Variants in NPNT observed in about 807,000 individuals in gnomAD.
NPNT encodes preosteoblast EGF-like repeat protein with MAM domain.
Under a neutral mutation model 68.6 loss-of-function variants are expected in NPNT, and 45 were observed. That is an observed-to-expected ratio of 0.66 (90% CI 0.52 to 0.84). The LOEUF (loss-of-function observed/expected upper bound fraction) is 0.84, where lower values mean the gene tolerates loss of function less well. NPNT is among the 40% of genes least tolerant of loss of function. The pLI is 0.00. For synonymous variants in NPNT, 233 were observed against 253.3 expected (o/e 0.92, Z 0.76); for missense variants, 672 against 714.8 (o/e 0.94, Z 0.68).
At chr4:105,926,443 T>C (rs1417107535) in intron 2 of NPNT, among the ~76,000 whole-genome samples, 1 of 152,014 alleles carries the variant, frequency 6.6e-6, no homozygotes, top group Non-Finnish European at 1.5e-5. Context: ...TGTCTGAACA[T>C]TTTAGGATGT....
At chr4:105,917,401 G>T (rs1397521586) in intron 2 of NPNT, among the ~76,000 whole-genome samples, 1 of 152,152 alleles carries the variant, frequency 6.6e-6, no homozygotes. Context: ...TCCCTGCAGA[G>T]AAATGCCTTC....
chr4:105,959,638 G>A (rs545187648), intron 10 of NPNT, among the ~76,000 whole-genome samples: 1 of 150,996 alleles, frequency 6.6e-6, no homozygotes, highest in Non-Finnish European at 1.5e-5. Context: ...TGAAGGAAAT[G>A]GTTACGAATC....
At chr4:105,962,944 G>A (rs978315131) in intron 10 of NPNT, among the ~76,000 whole-genome samples, 2 of 151,954 alleles carry the variant, frequency 1.3e-5, no homozygotes, top group African/African-American at 4.8e-5. Flanking sequence ...TAAAAAATCG[G>A]CTAGACACAG....
At chr4:105,901,396 A>G (rs1026800122) in intron 2 of NPNT, among the ~76,000 whole-genome samples, 2 of 152,230 alleles carry the variant, frequency 1.3e-5, no homozygotes, top group African/African-American at 4.8e-5. Context: ...GAAAAACTAT[A>G]TAGGATCTAA....
At chr4:105,912,421 T>C (rs1177048483) in intron 2 of NPNT, 1 of 499,214 alleles carries the variant, frequency 2.0e-6, no homozygotes, top group Non-Finnish European at 3.4e-6. Context: ...AAGTTAATTT[T>C]AATTCCATTA....
chr4:105,968,864 G>A (rs1235553689), intron 11 of NPNT, 31 bp from the exon 12 acceptor site: 3 of 1,332,298 alleles, frequency 2.3e-6, no homozygotes, highest in Non-Finnish European at 3.2e-6. Flanking sequence ...GGGCAGAGGA[G>A]GCTTGACTGG....
intron 1 of NPNT, among the ~76,000 whole-genome samples, chr4:105,896,883 A>G (rs1056480146): frequency 1.3e-5 from 2 of 152,212 alleles, no homozygotes; most frequent in African/African-American, 4.8e-5. Context: ...ATTGAAAAAG[A>G]TAAGGAGACT....
chr4:105,971,028 C>T lies in NPNT; in HGVS notation c.*2038C>T, dbSNP rs920757184. 19 of 359,878 alleles carry T rather than the reference C, an allele frequency of 5.3e-5. No homozygotes were observed. The highest frequency in any genetic ancestry group is 8.5e-5 in the Non-Finnish European group (15 of 176,246). 22.3% of individuals were successfully genotyped at this position (359,878 alleles called of 1,614,324 possible). ...GTATCTCAGTAATGTCCTAGTGTGG[C>T]GGTGGTTTTCAATGTTTCTTCATGT... On this transcript the variant is annotated 3_prime_UTR_variant, in exon 12 of 12. Coordinates refer to ENST00000379987, the MANE Select transcript of NPNT (RefSeq NM_001033047.3).
intron 2 of NPNT, among the ~76,000 whole-genome samples, chr4:105,921,779 A>G (rs1329188850): frequency 6.6e-6 from 1 of 152,150 alleles, no homozygotes; most frequent in East Asian, 1.9e-4. Flanking sequence ...TATTGCCTTC[A>G]GTGACTTTCC....
intron 4 of NPNT, 69 bp from the exon 5 acceptor site, chr4:105,938,232 A>C: frequency 6.6e-7 from 1 of 1,526,258 alleles, no homozygotes; most frequent in Non-Finnish European, 8.9e-7. Flanking sequence ...ACAAGTGAAA[A>C]AACATAGCTA....
intron 8 of NPNT, among the ~76,000 whole-genome samples, chr4:105,946,476 G>A (rs1477934032): frequency 1.3e-5 from 2 of 152,078 alleles, no homozygotes; most frequent in African/African-American, 2.4e-5. Flanking sequence ...TTTAACATAG[G>A]TTCTTTCTAT....
chr4:105,951,521 T>G (rs1215303304), intron 8 of NPNT, among the ~76,000 whole-genome samples: 2 of 152,194 alleles, frequency 1.3e-5, no homozygotes, highest in Non-Finnish European at 2.9e-5. Context: ...TAGTGATAAG[T>G]AAAAAGATTG....
Position 105,940,134 on chromosome 4 carries a change from A to C in NPNT, c.565A>C (p.Thr189Pro). Reference protein sequence around the residue: ...SCPRFRQCVNTFGSYICKCHK... With the variant: ...SCPRFRQCVNPFGSYICKCHK... The stretch of plus-strand genomic sequence containing the variant: ...CCCTAGATTTAGGCAATGTGTCAAC[A>C]CTTTTGGGAGCTACATCTGCAAGTG... The change falls in exon 6 of 12, where the codon ACT (threonine) becomes CCT (proline). Residue 189 changes from threonine (T) to proline (P), a missense_variant. By Grantham distance (38) the Thr-to-Pro change is conservative. Transcript: ENST00000379987. 1 of 1,612,782 alleles carries C rather than the reference A, an allele frequency of 6.2e-7. No homozygotes were observed. Among genetic ancestry groups the C allele is most frequent in the Non-Finnish European group, 8.5e-7 (1 of 1,178,864 alleles).
intron 11 of NPNT, among the ~76,000 whole-genome samples, chr4:105,968,607 A>G (rs1273075839): frequency 6.6e-6 from 1 of 152,238 alleles, no homozygotes; most frequent in Non-Finnish European, 1.5e-5. Context: ...AATCCTTGAC[A>G]AAAGTGTGCA....
At position 105,942,524 on chromosome 4, in the gene NPNT, T is replaced by TCCA. The variant is rs368167746; in HGVS notation, c.996_998dup (p.Pro333dup). On this transcript the variant is annotated inframe_insertion, in exon 8 of 12. Transcript: ENST00000379987. ...CACCAAAGCCAACACCAATTCCTAC[T>TCCA]CCACCACCACCACCACCCCTGCCAA... The TCCA allele has an allele frequency of 1.3e-5, 21 of 1,613,176 alleles. No individual in the cohort carries two copies. In the East Asian group the frequency reaches 1.6e-4, roughly 12 times the overall value.
chr4:105,896,137 G>C (rs1371079237), intron 1 of NPNT, among the ~76,000 whole-genome samples: 2 of 152,152 alleles, frequency 1.3e-5, no homozygotes, highest in Non-Finnish European at 2.9e-5. Context: ...CAGGCCCCCG[G>C]GGGGAGGCCC....
chr4:105,971,422 A>T lies in NPNT; in HGVS notation c.*2432A>T, dbSNP rs1173172103. 4.5e-6 allele frequency: 1 copy of T among 223,800 alleles called. No individual in the cohort carries two copies. The highest frequency in any genetic ancestry group is 9.3e-5 in the East Asian group (1 of 10,768). The allele number at this position is 223,800 out of a possible 1,614,324, so 13.9% of individuals were successfully genotyped here. A position where few individuals can be genotyped will look rare whatever the true frequency, so the allele number is the denominator to read the frequency against. ...GTAACGGCAGAATATATGGCTGTAG[A>T]TCCATTTTTAATGGTTCATTTCCTT... On this transcript the variant is annotated 3_prime_UTR_variant, in exon 12 of 12. Transcript: ENST00000379987.
chr4:105,949,100 T>C (rs1466658712), intron 8 of NPNT, among the ~76,000 whole-genome samples: 3 of 152,210 alleles, frequency 2.0e-5, no homozygotes, highest in African/African-American at 7.2e-5. Flanking sequence ...ATTATTTCTC[T>C]GAAATATTAC....
At chr4:105,905,353 G>C (rs181402582) in intron 2 of NPNT, among the ~76,000 whole-genome samples, 89 of 152,258 alleles carry the variant, frequency 5.8e-4, no homozygotes, top group Admixed American at 1.8e-3. Context: ...CATACTAAGA[G>C]CAAGACAGCA....
Sources: gnomAD v4.1 joint callset for allele counts (sites outside exome capture counted in the v4.1 genomes callset) on GRCh38, gnomAD v4.1.1 for gene constraint, MANE v1.5 for transcripts, NCBI Gene and HGNC (gene_info 2026-07-23, HGNC 2026-07-21) for gene names.